The following GRID2 variants were observed in gnomAD, a reference collection of about 807,000 sequenced individuals.
GRID2 encodes the protein glutamate receptor ionotropic, delta-2.
Under a neutral mutation model 114.8 loss-of-function variants are expected in GRID2, and 33 were observed. The observed-to-expected ratio is 0.29, with a 90% confidence interval of 0.22 to 0.38. The LOEUF is 0.38. GRID2 is among the 10% of genes least tolerant of loss of function. GRID2 has a pLI of 1.00. For synonymous variants in GRID2, 505 were observed against 449.9 expected (o/e 1.12, Z -1.55); for missense variants, 1,184 against 1,257.7 (o/e 0.94, Z 0.89).
At chr4:93,628,121 C>T (rs983959796) in intron 14 of GRID2, among the ~76,000 whole-genome samples, 1 of 152,018 alleles carries the variant, frequency 6.6e-6, no homozygotes, top group African/African-American at 2.4e-5. Context: ...TTATAGTGAG[C>T]CAAAAGTGAA....
intron 13 of GRID2, among the ~76,000 whole-genome samples, chr4:93,522,827 C>T (rs559866368): frequency 6.6e-6 from 1 of 152,046 alleles, no homozygotes; most frequent in Non-Finnish European, 1.5e-5. Context: ...GATTTGGTAG[C>T]TCAGGTAGTA....
At chr4:93,233,067 G>T (rs1746328249) in intron 7 of GRID2, among the ~76,000 whole-genome samples, 1 of 152,118 alleles carries the variant, frequency 6.6e-6, no homozygotes, top group African/African-American at 2.4e-5. Context: ...GTATGCATTA[G>T]CCAAGAAAGG....
intron 10 of GRID2, among the ~76,000 whole-genome samples, chr4:93,431,009 C>T (rs770283670): frequency 4.0e-5 from 6 of 151,890 alleles, no homozygotes; most frequent in Non-Finnish European, 8.8e-5. Flanking sequence ...TCCTACCATA[C>T]TAATGTTGTG....
intron 4 of GRID2, among the ~76,000 whole-genome samples, chr4:93,152,386 TG>T (rs1231174241): frequency 6.6e-6 from 1 of 152,136 alleles, no homozygotes; most frequent in Non-Finnish European, 1.5e-5. Context: ...CAGAGGTGGT[TG>T]TTTACTCTTG....
At chr4:93,342,657 A>G (rs1759786195) in intron 8 of GRID2, among the ~76,000 whole-genome samples, 1 of 152,238 alleles carries the variant, frequency 6.6e-6, no homozygotes, top group Admixed American at 6.5e-5. Flanking sequence ...TGATTTGTAT[A>G]TAAAACCTAG....
chr4:92,850,813 T>C (rs1282504965), intron 2 of GRID2, among the ~76,000 whole-genome samples: 1 of 151,912 alleles, frequency 6.6e-6, no homozygotes, highest in Non-Finnish European at 1.5e-5. Flanking sequence ...CTTCAGATGA[T>C]TGGGATGTGT....
At chr4:93,347,141 A>T (rs955675605) in intron 8 of GRID2, among the ~76,000 whole-genome samples, 3 of 151,834 alleles carry the variant, frequency 2.0e-5, no homozygotes, top group South Asian at 2.1e-4. Flanking sequence ...GCTTGCTTTC[A>T]CACCAGGAGT....
At chr4:92,332,699 A>C (rs572797913) in intron 1 of GRID2, among the ~76,000 whole-genome samples, 2 of 152,296 alleles carry the variant, frequency 1.3e-5, no homozygotes, top group South Asian at 2.1e-4. Flanking sequence ...TCCAAAATAC[A>C]ATGGTGGGAT....
intron 2 of GRID2, among the ~76,000 whole-genome samples, chr4:93,071,421 T>C (rs1560847750): frequency 6.6e-6 from 1 of 152,128 alleles, no homozygotes; most frequent in Non-Finnish European, 1.5e-5. Context: ...CTCCTGCTCT[T>C]ATGTAGCTTA....
intron 2 of GRID2, among the ~76,000 whole-genome samples, chr4:93,078,702 T>C (rs1186835371): frequency 6.8e-6 from 1 of 146,772 alleles, no homozygotes; most frequent in Non-Finnish European, 1.5e-5. Flanking sequence ...TAATTATATT[T>C]ATATACTGTA....
At chr4:92,933,961 A>T (rs2149524415) in intron 2 of GRID2, among the ~76,000 whole-genome samples, 1 of 151,758 alleles carries the variant, frequency 6.6e-6, no homozygotes, top group East Asian at 1.9e-4. Context: ...TCTCTATGAA[A>T]CTTCCTGCAA....
chr4:93,101,389 C>G (rs1731690553), intron 3 of GRID2, among the ~76,000 whole-genome samples: 1 of 151,828 alleles, frequency 6.6e-6, no homozygotes, highest in Non-Finnish European at 1.5e-5. Context: ...ATATTTTTAC[C>G]CATTAATAAA....
chr4:93,727,079 C>T (rs866688133), intron 14 of GRID2, among the ~76,000 whole-genome samples: 22 of 152,180 alleles, frequency 1.4e-4, no homozygotes, highest in East Asian at 5.8e-4. Context: ...TCAAAGGTAA[C>T]GCTTCCAGTT....
intron 13 of GRID2, among the ~76,000 whole-genome samples, chr4:93,585,386 T>C (rs1737426694): frequency 6.6e-6 from 1 of 152,152 alleles, no homozygotes; most frequent in Admixed American, 6.6e-5. Context: ...TTGTGTACGC[T>C]GAGTCAATTA....
chr4:92,596,662 T>C (rs554981593), intron 2 of GRID2, among the ~76,000 whole-genome samples: 1 of 152,018 alleles, frequency 6.6e-6, no homozygotes, highest in African/African-American at 2.4e-5. Flanking sequence ...CAAATAATTC[T>C]ATGCTTGTTA....
At chr4:93,607,523 C>T (rs748709111) in intron 13 of GRID2, among the ~76,000 whole-genome samples, 3 of 151,908 alleles carry the variant, frequency 2.0e-5, no homozygotes, top group Admixed American at 6.6e-5. Context: ...TATTTTAATC[C>T]GAAATTTTTA....
At chr4:93,574,780 A>G (rs1319652245) in intron 13 of GRID2, among the ~76,000 whole-genome samples, 2 of 152,220 alleles carry the variant, frequency 1.3e-5, no homozygotes, top group African/African-American at 2.4e-5. Context: ...AAGATATTCA[A>G]AAACTTTATA....
intron 2 of GRID2, among the ~76,000 whole-genome samples, chr4:92,981,760 A>G (rs968082417): frequency 2.0e-5 from 3 of 152,000 alleles, no homozygotes; most frequent in East Asian, 1.9e-4. Flanking sequence ...TTGGGAATGC[A>G]TTCTCTAAAA....
intron 2 of GRID2, among the ~76,000 whole-genome samples, chr4:92,952,423 A>G (rs1232676956): frequency 1.3e-5 from 2 of 152,206 alleles, no homozygotes; most frequent in Admixed American, 6.6e-5. Flanking sequence ...ACATTCAGAA[A>G]TTATGATCAA....
Sources: gnomAD v4.1 joint callset for allele counts (sites outside exome capture counted in the v4.1 genomes callset) on GRCh38, gnomAD v4.1.1 for gene constraint, MANE v1.5 for transcripts, NCBI Gene and HGNC (gene_info 2026-07-23, HGNC 2026-07-21) for gene names.